The following H3-7 variants were observed in gnomAD, a reference collection of about 807,000 sequenced individuals.
H3-7 encodes histone H3-7.
chr1:143,902,744 G>T, the H3-7 span, among the ~76,000 whole-genome samples: 2 of 141,412 alleles, frequency 1.4e-5, no homozygotes, highest in African/African-American at 5.1e-5. Flanking sequence ...GTGACACAAA[G>T]ACTGTGACAC....
chr1:143,904,582 C>G, the H3-7 span: 1 of 1,599,170 alleles, frequency 6.3e-7, no homozygotes, highest in Non-Finnish European at 8.6e-7. Context: ...GGAGCAGGAG[C>G]GGATTTCGCT....
the H3-7 span, among the ~76,000 whole-genome samples, chr1:143,903,167 G>A: frequency 1.4e-5 from 2 of 141,542 alleles, 1 homozygote; most frequent in Non-Finnish European, 3.1e-5. Context: ...ACTCCGGCCT[G>A]GGCGACAGAG....
chr1:143,904,019 C>A, the H3-7 span, among the ~76,000 whole-genome samples: 1 of 145,086 alleles, frequency 6.9e-6, no homozygotes, highest in African/African-American at 2.5e-5. Flanking sequence ...ACGGGGATGA[C>A]TGAGGGCCAA....
chr1:143,904,405 C>T, the H3-7 span: 148 of 1,582,774 alleles, frequency 9.4e-5, 19 homozygotes, highest in South Asian at 1.3e-3. Context: ...ATGTCGTTGA[C>T]GAAGGAGTTC....
At chr1:143,903,214 G>A in the H3-7 span, among the ~76,000 whole-genome samples, 5 of 129,816 alleles carry the variant, frequency 3.9e-5, no homozygotes, top group African/African-American at 1.2e-4. Flanking sequence ...AAAAACAAGC[G>A]CAAAGGTGAC....
chr1:143,904,280 G>A, the H3-7 span: 3 of 1,586,230 alleles, frequency 1.9e-6, no homozygotes, highest in Non-Finnish European at 2.6e-6. Context: ...CGGCGTGCTT[G>A]GCCAGCTCGC....
chr1:143,905,580 G>A, the H3-7 span: 4 of 1,581,624 alleles, frequency 2.5e-6, no homozygotes, highest in South Asian at 2.3e-5. Context: ...CGCGGATGCG[G>A]CTGACCAACT....
the H3-7 span, among the ~76,000 whole-genome samples, chr1:143,903,165 C>G: frequency 2.8e-5 from 4 of 140,378 alleles, no homozygotes; most frequent in Non-Finnish European, 6.3e-5. Flanking sequence ...GCACTCCGGC[C>G]TGGGCGACAG....
chr1:143,905,917 G>C, the H3-7 span: 16 of 1,580,092 alleles, frequency 1.0e-5, 2 homozygotes, highest in East Asian at 9.1e-5. Flanking sequence ...CTGCTTCCTC[G>C]GGGCCTTGCC....
the H3-7 span, chr1:143,905,386 A>G: frequency 1.7e-6 from 1 of 587,122 alleles, no homozygotes; most frequent in South Asian, 2.2e-5. Context: ...CTGCCGGCCA[A>G]CTCACGGCTG....
At chr1:143,905,592 G>T in the H3-7 span, 1 of 1,582,074 alleles carries the variant, frequency 6.3e-7, no homozygotes, top group South Asian at 1.1e-5. Context: ...TGACCAACTG[G>T]ATGTCCTTGG....
chr1:143,905,367 C>T, the H3-7 span: 1 of 563,348 alleles, frequency 1.8e-6, no homozygotes, highest in African/African-American at 2.0e-5. Context: ...GCCTCTGCGG[C>T]TTTCTCTACT....
the H3-7 span, among the ~76,000 whole-genome samples, chr1:143,903,191 CAAAAA>C: frequency 5.0e-5 from 3 of 60,392 alleles, no homozygotes; most frequent in South Asian, 1.3e-3. Flanking sequence ...GACTCCGTCT[CAAAAA>C]AAAAAAAAAA....
the H3-7 span, chr1:143,904,626 G>C: frequency 4.4e-6 from 7 of 1,580,918 alleles, 2 homozygotes; most frequent in South Asian, 2.3e-5. Context: ...AAAGAGAACA[G>C]AGACTTAAAG....
chr1:143,905,634 G>A, the H3-7 span: 28 of 1,582,658 alleles, frequency 1.8e-5, 2 homozygotes, highest in East Asian at 5.7e-4. Context: ...CATGGATGGC[G>A]CACAGGTTCG....
chr1:143,904,607 T>A, the H3-7 span: 1 of 1,583,858 alleles, frequency 6.3e-7, no homozygotes, highest in Non-Finnish European at 8.6e-7. Flanking sequence ...CCGGCATTTT[T>A]GCGCGAAAAA....
chr1:143,904,504 G>A, the H3-7 span: 68 of 1,605,186 alleles, frequency 4.2e-5, no homozygotes, highest in South Asian at 1.4e-4. Flanking sequence ...CTCTCCTTGC[G>A]GCTGCGCTTG....
the H3-7 span, chr1:143,904,582 C>T: frequency 2.7e-5 from 43 of 1,599,060 alleles, 1 homozygote; most frequent in Middle Eastern, 1.7e-4. Context: ...GGAGCAGGAG[C>T]GGATTTCGCT....
At chr1:143,905,703 C>A in the H3-7 span, 18 of 1,582,680 alleles carry the variant, frequency 1.1e-5, no homozygotes, top group African/African-American at 2.3e-4. Flanking sequence ...CCATCACGGC[C>A]GAGCTCTGGA....
Sources: allele counts gnomAD v4.1 joint callset (sites outside exome capture counted in the v4.1 genomes callset), GRCh38; gene constraint gnomAD v4.1.1; transcripts MANE v1.5; gene names NCBI Gene and HGNC (gene_info 2026-07-23, HGNC 2026-07-21).